FAF1: variants seen among roughly 807,000 people sequenced by gnomAD.
FAF1 encodes the protein Fas associated factor 1.
In FAF1, 25 loss-of-function variants were observed where a neutral mutation model predicts 92.5. That is an observed-to-expected ratio of 0.27 (90% CI 0.20 to 0.38). The LOEUF is 0.38. FAF1 is among the 10% of genes least tolerant of loss of function. FAF1 has a pLI of 1.00. For synonymous variants in FAF1, 234 were observed against 273.2 expected, an observed-to-expected ratio of 0.86 and a Z score of 1.42; for missense variants, 636 against 793.3, an observed-to-expected ratio of 0.80 and a Z score of 2.38.
chr1:50,868,600 T>C (rs1644501979), intron 1 of FAF1, among the ~76,000 whole-genome samples: 1 of 152,214 alleles, frequency 6.6e-6, no homozygotes, highest in African/African-American at 2.4e-5. Context: ...TTTATATGTA[T>C]GTTCATTATC....
chr1:50,538,316 T>C (rs922207048), intron 14 of FAF1, among the ~76,000 whole-genome samples: 1 of 152,014 alleles, frequency 6.6e-6, no homozygotes, highest in African/African-American at 2.4e-5. Flanking sequence ...ATACCTCCCA[T>C]TGTGCCACAT....
chr1:50,880,980 G>GAT (rs575778217), intron 1 of FAF1, among the ~76,000 whole-genome samples: 204 of 151,952 alleles, frequency 1.3e-3, no homozygotes, highest in African/African-American at 4.2e-3. Flanking sequence ...GAATTACCTG[G>GAT]ATATATATAT....
At chr1:50,897,402 T>C (rs1644766124) in intron 1 of FAF1, among the ~76,000 whole-genome samples, 1 of 152,238 alleles carries the variant, frequency 6.6e-6, no homozygotes, top group Non-Finnish European at 1.5e-5. Flanking sequence ...CCTTTTCCTA[T>C]ATTAAATAAA....
intron 6 of FAF1, among the ~76,000 whole-genome samples, chr1:50,723,607 G>A (rs1223646054): frequency 2.6e-5 from 4 of 152,054 alleles, no homozygotes; most frequent in African/African-American, 7.2e-5. Context: ...AAGCCACACT[G>A]TATGAATATC....
intron 4 of FAF1, among the ~76,000 whole-genome samples, chr1:50,758,042 C>A (rs902330819): frequency 6.6e-6 from 1 of 152,116 alleles, no homozygotes; most frequent in African/African-American, 2.4e-5. Flanking sequence ...CTCAGCCTCC[C>A]GAGTAGCTGA....
chr1:50,735,374 T>A (rs1659095484), intron 6 of FAF1, among the ~76,000 whole-genome samples: 1 of 152,216 alleles, frequency 6.6e-6, no homozygotes, highest in Non-Finnish European at 1.5e-5. Flanking sequence ...TTACAAAGAT[T>A]ATGATTAAGA....
chr1:50,627,533 T>G (rs1653561356), intron 8 of FAF1, among the ~76,000 whole-genome samples: 1 of 150,680 alleles, frequency 6.6e-6, no homozygotes, highest in African/African-American at 2.4e-5. Flanking sequence ...CATAGAAAAA[T>G]ATGGATCCAT....
chr1:50,690,897 A>G (rs573812052), intron 7 of FAF1, among the ~76,000 whole-genome samples: 7 of 152,126 alleles, frequency 4.6e-5, no homozygotes, highest in African/African-American at 1.7e-4. Flanking sequence ...TAACATTGTC[A>G]TATGTATCTG....
chr1:50,620,999 G>GCACACTT (rs1335119418), intron 8 of FAF1, among the ~76,000 whole-genome samples: 2 of 152,190 alleles, frequency 1.3e-5, no homozygotes, highest in Non-Finnish European at 2.9e-5. Flanking sequence ...GAGATATGCC[G>GCACACTT]CACACTTTCC....
chr1:50,604,444 T>G (rs1265467764), intron 8 of FAF1, among the ~76,000 whole-genome samples: 1 of 152,210 alleles, frequency 6.6e-6, no homozygotes, highest in African/African-American at 2.4e-5. Context: ...GTCCCAAGTC[T>G]CACATCTGCT....
At chr1:50,547,410 C>T (rs1649078583) in intron 13 of FAF1, among the ~76,000 whole-genome samples, 1 of 148,638 alleles carries the variant, frequency 6.7e-6, no homozygotes, top group African/African-American at 2.6e-5. Context: ...TTTTAAAAAG[C>T]CACGTAATTT....
intron 15 of FAF1, among the ~76,000 whole-genome samples, chr1:50,524,156 G>A (rs1572806789): frequency 2.6e-5 from 4 of 152,212 alleles, no homozygotes; most frequent in African/African-American, 9.6e-5. Flanking sequence ...GTGATGCTGT[G>A]ATTTTTATTC....
At chr1:50,893,558 G>A (rs973590934) in intron 1 of FAF1, among the ~76,000 whole-genome samples, 3 of 151,998 alleles carry the variant, frequency 2.0e-5, no homozygotes, top group African/African-American at 7.3e-5. Context: ...CTCTCTCTCT[G>A]TACTGAGTTG....
At position 50,494,417 on chromosome 1, in the gene FAF1, T is replaced by A. The variant is rs529784213; in HGVS notation, c.1495-2616A>T. Among the ~76,000 whole-genome samples, 4 of 152,302 alleles carry A rather than the reference T, an allele frequency of 2.6e-5. No individual in the cohort carries two copies. In the South Asian group the frequency reaches 8.3e-4, roughly 32 times the overall value. On this transcript the variant is annotated intron_variant, in intron 15 of 18. Coordinates refer to ENST00000396153, the MANE Select transcript of FAF1 (RefSeq NM_007051.3). The stretch of plus-strand genomic sequence containing the variant: ...TTGTAGAGGTTCCCTTTGCTAAATC[T>A]AAGAGGACACATCAAAGTAACTAGA...
chr1:50,621,145 G>A (rs1040672110), intron 8 of FAF1, among the ~76,000 whole-genome samples: 6 of 152,210 alleles, frequency 3.9e-5, no homozygotes, highest in African/African-American at 1.4e-4. Flanking sequence ...CCACAGCCCT[G>A]GAAGTACCAG....
chr1:50,693,610 T>G (rs1023741993), intron 7 of FAF1, among the ~76,000 whole-genome samples: 3 of 152,212 alleles, frequency 2.0e-5, no homozygotes, highest in Non-Finnish European at 4.4e-5. Context: ...AAGTCTACTT[T>G]AAGATAAAAA....
At chr1:50,763,503 T>C (rs1226350507) in intron 4 of FAF1, among the ~76,000 whole-genome samples, 1 of 152,074 alleles carries the variant, frequency 6.6e-6, no homozygotes, top group Non-Finnish European at 1.5e-5. Flanking sequence ...TTTCCCCCTT[T>C]CCACTCTCTC....
intron 1 of FAF1, among the ~76,000 whole-genome samples, chr1:50,883,847 A>G (rs1020525071): frequency 2.6e-5 from 4 of 152,192 alleles, no homozygotes; most frequent in African/African-American, 9.7e-5. Context: ...AAATTAGGCC[A>G]GGCGCAGTGG....
At chr1:50,888,650 A>C (rs1644690760) in intron 1 of FAF1, among the ~76,000 whole-genome samples, 2 of 152,108 alleles carry the variant, frequency 1.3e-5, no homozygotes, top group Admixed American at 6.5e-5. Flanking sequence ...GGTTCTGTTT[A>C]TATGCTGGAT....
Sources: gnomAD v4.1 joint callset for allele counts (sites outside exome capture counted in the v4.1 genomes callset) on GRCh38, gnomAD v4.1.1 for gene constraint, MANE v1.5 for transcripts, NCBI Gene and HGNC (gene_info 2026-07-23, HGNC 2026-07-21) for gene names.